Variants in RDH8 observed in about 807,000 individuals in gnomAD.
RDH8 encodes the protein retinol dehydrogenase 8.
A neutral mutation model predicts 22.3 loss-of-function variants in RDH8; 14 were observed. The ratio of observed to expected loss-of-function variants is 0.63; its 90% CI spans 0.42 to 0.98. The LOEUF (loss-of-function observed/expected upper bound fraction) is 0.98. Ranked by LOEUF, RDH8 falls within the 50% of genes least tolerant of loss-of-function variation. The probability of loss-of-function intolerance (pLI) is 0.00; values close to 1 mark genes in which losing one functional copy is unlikely to be tolerated. For missense variants in RDH8, 389 were observed against 409.8 expected (o/e 0.95, Z 0.44); for synonymous variants, 175 against 171.7 (o/e 1.02, Z -0.15).
rs770638115 is a variant in RDH8 at position 10,018,910 on chromosome 19, G to T, written c.442G>T (p.Gly148Cys). Residue 148 changes from glycine to cysteine, a missense_variant and splice_region_variant, in exon 3 of 6, where the codon GGT (glycine) becomes TGT (cysteine). Gly to Cys is a radical substitution (Grantham distance 159). Transcript: ENST00000591589. ...VVISSVMGLQ[G>C]VIFNDVYAAS... ...GATCAGCAGTGTCATGGGCCTGCAG[G>T]GTGAGCTGTGGGGACCCAACCCTGG... The T allele has an allele frequency of 6.3e-7, 1 of 1,598,286 alleles. No individual in the cohort carries two copies. Among genetic ancestry groups the T allele is most frequent in the Admixed American group, 1.7e-5 (1 of 58,734 alleles).
At position 10,021,841 on chromosome 19, in the gene RDH8, C is replaced by A. The variant is rs1018299957; in HGVS notation, c.*92C>A. 5.3e-6 allele frequency: 7 copies of A among 1,323,770 alleles called. No homozygotes were observed. The highest frequency in any genetic ancestry group is 6.2e-6 in the Non-Finnish European group (6 of 961,432). 82.0% of individuals were successfully genotyped at this position (1,323,770 alleles called of 1,614,324 possible). On this transcript the variant is annotated 3_prime_UTR_variant, in exon 6 of 6. Coordinates refer to ENST00000591589, the MANE Select transcript of RDH8 (RefSeq NM_015725.4). ...AGGATGAACAGACTCTTCATTTATTCATTCTGCAAACTCCCCCTCCCCTCC... is the reference window on the plus strand; with the variant it reads ...AGGATGAACAGACTCTTCATTTATTAATTCTGCAAACTCCCCCTCCCCTCC...
chr19:10,015,951 C>T (rs193224150), intron 1 of RDH8, among the ~76,000 whole-genome samples: 2 of 149,154 alleles, frequency 1.3e-5, no homozygotes, highest in African/African-American at 2.5e-5. Flanking sequence ...AGTGAAACTT[C>T]GTCTCAAAAA....
chr19:10,018,749 G>GCCTGGTGGGGCC lies in RDH8; in HGVS notation c.287_298dup (p.Val96_Leu99dup). 6.2e-7 allele frequency: 1 copy of GCCTGGTGGGGCC among 1,610,158 alleles called. No individual in the cohort carries two copies. The highest frequency in any genetic ancestry group is 1.7e-4 in the Middle Eastern group (1 of 6,046). ...CTCTTAGTGAATAATGCTGGAATGG[G>GCCTGGTGGGGCC]CCTGGTGGGGCCCCTGGAGGGGCTC... On this transcript the variant is annotated inframe_insertion, in exon 3 of 6. Transcript: ENST00000591589.
At chr19:10,020,098 CAG>C (rs2087646077) in intron 3 of RDH8, among the ~76,000 whole-genome samples, 2 of 151,878 alleles carry the variant, frequency 1.3e-5, no homozygotes, top group Admixed American at 6.6e-5. Context: ...GCCTGAACGA[CAG>C]AGTGAGACTC....
intron 1 of RDH8, 117 bp downstream of exon 1, chr19:10,013,717 C>A: frequency 6.0e-6 from 6 of 1,000,012 alleles, no homozygotes; most frequent in East Asian, 2.6e-5. Context: ...CCAGGATTCC[C>A]TCCAGGAATC....
rs2087669297 is a variant in RDH8, at chr19:10,022,237, T to C, written c.*488T>C. 6.4e-6 allele frequency: 1 copy of C among 155,114 alleles called. No individual in the cohort carries two copies. The highest frequency in any genetic ancestry group is 1.4e-5 in the Non-Finnish European group (1 of 70,062). The allele number at this position is 155,114 out of a possible 1,614,324, so 9.6% of individuals were successfully genotyped here. A position where few individuals can be genotyped will look rare whatever the true frequency, so the allele number is the denominator to read the frequency against. ...AATGTATTTGAGCACACACCAGCAA[T>C]GTATGTATATTTTTTCCATTAAATA... On this transcript the variant is annotated 3_prime_UTR_variant, in exon 6 of 6. Transcript: ENST00000591589.
rs754874612 is a variant in RDH8, at chr19:10,013,612, A to C, written c.103+12A>C. 1.2e-6 allele frequency: 2 copies of C among 1,613,804 alleles called. No individual in the cohort carries two copies. The highest frequency in any genetic ancestry group is 1.7e-6 in the Non-Finnish European group (2 of 1,179,958). ...GAAGCGCTACCAGGGTAAGAAGTGC[A>C]GGGTGGCACTAGGAGGCAGCCGGGT... On this transcript the variant is annotated intron_variant, in intron 1 of 5. Transcript: ENST00000591589.
chr19:10,018,451 G>A (rs1329413067), intron 2 of RDH8, among the ~76,000 whole-genome samples: 6 of 152,160 alleles, frequency 3.9e-5, no homozygotes, highest in African/African-American at 9.7e-5. Flanking sequence ...AGGAAGGTGG[G>A]TGTCGCTGTC....
chr19:10,015,656 T>C (rs934260029), intron 1 of RDH8, among the ~76,000 whole-genome samples: 12 of 149,528 alleles, frequency 8.0e-5, no homozygotes, highest in Non-Finnish European at 1.2e-4. Context: ...CATAAAAGCT[T>C]GGCCAGGTGC....
chr19:10,014,866 G>A (rs2087598033), intron 1 of RDH8, among the ~76,000 whole-genome samples: 2 of 152,120 alleles, frequency 1.3e-5, no homozygotes, highest in Admixed American at 1.3e-4. Flanking sequence ...GGAAACTAAG[G>A]TGCAGACTGT....
At position 10,017,145 on chromosome 19, in the gene RDH8, G is replaced by A. The variant is rs1160929075; in HGVS notation, c.192G>A (p.Gln64=). The change falls in exon 2 of 6, where the codon CAG becomes CAA. Residue 64 remains glutamine, a synonymous_variant. Transcript: ENST00000591589. ...TGGGGCAGACCCTCACCGTGGCCCA[G>A]CTGGACGTGTGCAGTGATGAGTCGG... is the stretch of plus-strand genomic sequence containing the variant. The part of the protein sequence containing the change: ...EALGQTLTVA[Q]LDVCSDESVA... 1.2e-6 allele frequency: 2 copies of A among 1,611,798 alleles called. No homozygotes were observed. Among genetic ancestry groups the A allele is most frequent in the East Asian group, 2.2e-5 (1 of 44,852 alleles).
At chr19:10,014,940 G>A (rs746001519) in intron 1 of RDH8, among the ~76,000 whole-genome samples, 2 of 152,142 alleles carry the variant, frequency 1.3e-5, no homozygotes, top group Non-Finnish European at 2.9e-5. Flanking sequence ...AACTCAGGCA[G>A]CCCATCCCTT....
chr19:10,019,007 A>G, intron 3 of RDH8, 97 bp downstream of exon 3: 1 of 1,050,894 alleles, frequency 9.5e-7, no homozygotes, highest in East Asian at 2.6e-5. Context: ...ATTCTAAATT[A>G]GCATGGACCC....
In RDH8 at chr19:10,020,715, T is replaced by C. The variant is rs770855158; in HGVS notation, c.449T>C (p.Ile150Thr). The C allele has an allele frequency of 1.2e-6, 2 of 1,608,484 alleles. No homozygotes were observed. The highest frequency in any genetic ancestry group is 2.2e-5 in the East Asian group (1 of 44,878). The part of the protein sequence containing the change: ...ISSVMGLQGV[I>T]FNDVYAASKF... ...CTCCCTCTGACCCTCACAGGTGTCA[T>C]CTTCAACGATGTCTATGCAGCTTCC... Residue 150 changes from isoleucine (I) to threonine (T), a missense_variant, in exon 4 of 6, where the codon ATC becomes ACC. Physicochemically the swap from Ile to Thr is moderately conservative, Grantham distance 89. Transcript: ENST00000591589.
chr19:10,014,038 C>T (rs991622958), intron 1 of RDH8, among the ~76,000 whole-genome samples: 6 of 152,126 alleles, frequency 3.9e-5, no homozygotes, highest in African/African-American at 1.4e-4. Context: ...CCACGTCTCC[C>T]CAGATTATTG....
At chr19:10,016,455 GC>G (rs932748568) in intron 1 of RDH8, among the ~76,000 whole-genome samples, 1 of 146,252 alleles carries the variant, frequency 6.8e-6, no homozygotes, top group Non-Finnish European at 1.5e-5. Flanking sequence ...GCGCCAGGCC[GC>G]CCGGCCTTAT....
chr19:10,021,416 A>C lies in RDH8; in HGVS notation c.698A>C (p.Gln233Pro). Residue 233 changes from glutamine to proline, a missense_variant, in exon 5 of 6, where the codon CAG (glutamine) becomes CCG (proline). Physicochemically the swap from Gln to Pro is moderately conservative, Grantham distance 76. Transcript: ENST00000591589. ...ASRKLFCSVG[Q>P]NPQDVVQAIV... ...AGGAAGCTGTTTTGCTCCGTGGGAC[A>C]GAACCCACAGGACGTGGTTCAGGTG... The C allele has an allele frequency of 6.2e-7, 1 of 1,614,114 alleles. No individual in the cohort carries two copies. Among genetic ancestry groups the C allele is most frequent in the Non-Finnish European group, 8.5e-7 (1 of 1,180,008 alleles).
At chr19:10,013,973 G>C (rs936462579) in intron 1 of RDH8, among the ~76,000 whole-genome samples, 1 of 152,016 alleles carries the variant, frequency 6.6e-6, no homozygotes, top group Non-Finnish European at 1.5e-5. Context: ...TTTTAGAAGG[G>C]TTTCACTAGG....
chr19:10,020,672 G>A (rs973541161), intron 3 of RDH8, 37 bp from the exon 4 acceptor site: 1 of 1,437,864 alleles, frequency 7.0e-7, no homozygotes, highest in Non-Finnish European at 9.7e-7. Context: ...CCACCTCCCA[G>A]ACCCTCAAAG....
Sources: allele counts gnomAD v4.1 joint callset (sites outside exome capture counted in the v4.1 genomes callset), GRCh38; gene constraint gnomAD v4.1.1; transcripts MANE v1.5; gene names NCBI Gene and HGNC (gene_info 2026-07-23, HGNC 2026-07-21).